EYS: variants seen among roughly 807,000 people sequenced by gnomAD.
EYS encodes the protein EGF-like photoreceptor maintenance factor.
In EYS, 250 loss-of-function variants were observed where a neutral mutation model predicts 282.1. That is an observed-to-expected ratio of 0.89 (90% CI 0.80 to 0.98). The LOEUF is 0.98. Ranked by LOEUF, EYS falls within the 50% of genes least tolerant of loss-of-function variation. The probability of loss-of-function intolerance (pLI) is 0.00; values close to 1 mark genes in which losing one functional copy is unlikely to be tolerated. For missense variants in EYS, 4,016 were observed against 3,709.0 expected, an observed-to-expected ratio of 1.08 and a Z score of -2.15; for synonymous variants, 1,355 against 1,282.9, an observed-to-expected ratio of 1.06 and a Z score of -1.20.
chr6:63,774,507 G>GACA (rs1770013359), intron 40 of EYS, among the ~76,000 whole-genome samples: 1 of 152,094 alleles, frequency 6.6e-6, no homozygotes, highest in African/African-American at 2.4e-5. Context: ...TCTGCATATT[G>GACA]TCCTCAGTCA....
intron 26 of EYS, among the ~76,000 whole-genome samples, chr6:64,463,766 A>G (rs1007706214): frequency 2.6e-4 from 39 of 152,212 alleles, no homozygotes; most frequent in Non-Finnish European, 4.6e-4. Flanking sequence ...GGATCATAAG[A>G]GATAGCAAAT....
At chr6:63,743,194 A>G (rs1274325406) in intron 41 of EYS, among the ~76,000 whole-genome samples, 3 of 152,162 alleles carry the variant, frequency 2.0e-5, no homozygotes, top group Non-Finnish European at 4.4e-5. Flanking sequence ...ATATCTCATT[A>G]TTCATAAACT....
At chr6:64,144,548 T>G (rs1161908059) in intron 31 of EYS, among the ~76,000 whole-genome samples, 1 of 152,170 alleles carries the variant, frequency 6.6e-6, no homozygotes, top group Non-Finnish European at 1.5e-5. Flanking sequence ...CTGGGACCTT[T>G]GCTGGGAACT....
chr6:64,718,333 C>T (rs1771463371), intron 22 of EYS, among the ~76,000 whole-genome samples: 1 of 152,162 alleles, frequency 6.6e-6, no homozygotes, highest in Admixed American at 6.5e-5. Context: ...AGCTTTCCAC[C>T]TGATTTCAAA....
chr6:65,554,643 G>C (rs2127337448), intron 2 of EYS, among the ~76,000 whole-genome samples: 1 of 152,196 alleles, frequency 6.6e-6, no homozygotes, highest in East Asian at 1.9e-4. Context: ...CCAGACACAA[G>C]ACTGAGTACT....
chr6:65,093,932 G>A (rs1321995610), intron 12 of EYS, among the ~76,000 whole-genome samples: 1 of 151,608 alleles, frequency 6.6e-6, no homozygotes, highest in Non-Finnish European at 1.5e-5. Flanking sequence ...GTCAAGAGAT[G>A]GAGAAAGATA....
At chr6:63,796,115 G>T (rs919039072) in intron 37 of EYS, among the ~76,000 whole-genome samples, 2 of 152,132 alleles carry the variant, frequency 1.3e-5, no homozygotes, top group Non-Finnish European at 2.9e-5. Context: ...GCTTTGGAGA[G>T]ACTTTCGAGG....
chr6:63,867,144 A>G (rs1772689270), intron 35 of EYS, among the ~76,000 whole-genome samples: 1 of 152,190 alleles, frequency 6.6e-6, no homozygotes, highest in African/African-American at 2.4e-5. Context: ...AGACTGATGG[A>G]TCTTATGTAA....
chr6:63,803,541 T>C (rs1266905662), intron 37 of EYS, among the ~76,000 whole-genome samples: 1 of 152,048 alleles, frequency 6.6e-6, no homozygotes, highest in Non-Finnish European at 1.5e-5. Flanking sequence ...CAAAGGGGAA[T>C]TGATGGAAGA....
intron 2 of EYS, among the ~76,000 whole-genome samples, chr6:65,502,311 A>G (rs953725553): frequency 6.6e-6 from 1 of 151,756 alleles, no homozygotes; most frequent in Admixed American, 6.6e-5. Flanking sequence ...TTGGGTATTA[A>G]CTCAAAGAAG....
chr6:64,405,819 A>G (rs1773688787), intron 28 of EYS, among the ~76,000 whole-genome samples: 1 of 152,204 alleles, frequency 6.6e-6, no homozygotes, highest in Non-Finnish European at 1.5e-5. Context: ...TGAAGGAAAC[A>G]AGAGAGGAAA....
intron 8 of EYS, among the ~76,000 whole-genome samples, chr6:65,380,542 A>G (rs1209719416): frequency 6.6e-6 from 1 of 152,168 alleles, no homozygotes; most frequent in Non-Finnish European, 1.5e-5. Flanking sequence ...AGGCAATACC[A>G]TTCAGGACAT....
chr6:65,042,660 C>G (rs778467887), intron 13 of EYS, among the ~76,000 whole-genome samples: 1 of 151,198 alleles, frequency 6.6e-6, no homozygotes, highest in Non-Finnish European at 1.5e-5. Context: ...ATAAATCCAC[C>G]ATTCAGCATT....
At chr6:64,820,891 T>C (rs1248395914) in intron 21 of EYS, among the ~76,000 whole-genome samples, 2 of 152,088 alleles carry the variant, frequency 1.3e-5, no homozygotes, top group African/African-American at 2.4e-5. Context: ...AGTATAGCTA[T>C]GTTTTACTGA....
chr6:63,863,258 TAC>T (rs2149709077), intron 36 of EYS, among the ~76,000 whole-genome samples: 1 of 152,354 alleles, frequency 6.6e-6, no homozygotes, highest in Admixed American at 6.5e-5. Context: ...TGAAAATATC[TAC>T]ACACATTTAT....
chr6:64,568,037 G>C (rs528606625), intron 26 of EYS, among the ~76,000 whole-genome samples: 12 of 152,190 alleles, frequency 7.9e-5, no homozygotes, highest in Non-Finnish European at 1.3e-4. Context: ...AGATAGATTT[G>C]AGAATTCAGG....
intron 12 of EYS, among the ~76,000 whole-genome samples, chr6:65,074,228 A>G (rs148439985): frequency 6.6e-6 from 1 of 152,182 alleles, no homozygotes; most frequent in East Asian, 1.9e-4. Context: ...TCTATGGTAA[A>G]TACTGGTCCT....
intron 2 of EYS, among the ~76,000 whole-genome samples, chr6:65,597,703 T>G (rs191546221): frequency 6.6e-6 from 1 of 152,204 alleles, no homozygotes; most frequent in East Asian, 1.9e-4. Context: ...TAATCTGTCA[T>G]GACTGCGGCT....
chr6:64,809,037 G>C (rs1018901864), intron 22 of EYS, among the ~76,000 whole-genome samples: 1 of 152,064 alleles, frequency 6.6e-6, no homozygotes. Context: ...GTGCATTAAT[G>C]CTTGCCTCTG....
Sources: gnomAD v4.1 joint callset for allele counts (sites outside exome capture counted in the v4.1 genomes callset) on GRCh38, gnomAD v4.1.1 for gene constraint, MANE v1.5 for transcripts, NCBI Gene and HGNC (gene_info 2026-07-23, HGNC 2026-07-21) for gene names.